SHROOM4: variants seen among roughly 807,000 people sequenced by gnomAD.
SHROOM4 encodes protein Shroom4.
In SHROOM4, 17 loss-of-function variants were observed where a neutral mutation model predicts 80.3. The observed-to-expected ratio is 0.21, with a 90% CI of 0.14 to 0.32. The LOEUF (loss-of-function observed/expected upper bound fraction) is 0.32, where lower values mean the gene tolerates loss of function less well. Ranked by LOEUF, SHROOM4 falls within the 10% of genes least tolerant of loss-of-function variation. SHROOM4 has a pLI of 1.00. For missense variants in SHROOM4, 993 were observed against 1,140.3 expected, an observed-to-expected ratio of 0.87 and a Z score of 1.86; for synonymous variants, 400 against 437.5, an observed-to-expected ratio of 0.91 and a Z score of 1.07.
rs562396608 is a variant in SHROOM4, at chrX:50,588,482, C to A, written c.*8213G>T. Among the ~76,000 whole-genome samples, 1 of 112,016 alleles carries A rather than the reference C, an allele frequency of 8.9e-6. No homozygotes were observed. Among genetic ancestry groups the A allele is most frequent in the Admixed American group, 9.5e-5 (1 of 10,564 alleles). On this transcript the variant is annotated 3_prime_UTR_variant, in exon 9 of 9. Transcript: ENST00000376020. ...CCACCATTTGACAGAAGAGGACATC[C>A]AGGTACAGGGAAGTTAAACATGCTC... is the stretch of plus-strand genomic sequence containing the variant.
chrX:50,663,668 C>T (rs782247361), intron 2 of SHROOM4, among the ~76,000 whole-genome samples: 9 of 110,921 alleles, frequency 8.1e-5, no homozygotes, highest in Non-Finnish European at 1.7e-4. Context: ...CCCAAAACTA[C>T]GTTTCTTTCC....
intron 1 of SHROOM4, among the ~76,000 whole-genome samples, chrX:50,701,053 G>A (rs6614557): frequency 0.023 from 2,551 of 111,650 alleles, 85 homozygotes; most frequent in African/African-American, 0.08. Flanking sequence ...GGAACTATGC[G>A]CTGTGCCCCA....
chrX:50,743,528 T>C (rs917420140), intron 1 of SHROOM4, among the ~76,000 whole-genome samples: 6 of 110,762 alleles, frequency 5.4e-5, no homozygotes, highest in African/African-American at 2.0e-4. Context: ...TGATCATGGC[T>C]CACTGCAGCC....
chrX:50,735,342 A>C (rs1295887206), intron 1 of SHROOM4, among the ~76,000 whole-genome samples: 1 of 112,161 alleles, frequency 8.9e-6, no homozygotes, highest in Non-Finnish European at 1.9e-5. Flanking sequence ...AAAATTATCA[A>C]AGACTTAAAT....
At chrX:50,723,768 G>GT (rs1934183392) in intron 1 of SHROOM4, among the ~76,000 whole-genome samples, 1 of 111,185 alleles carries the variant, frequency 9.0e-6, no homozygotes. Context: ...TCAAGGGCCT[G>GT]TATCCCTTCC....
chrX:50,796,862 G>A (rs782463368), intron 1 of SHROOM4, among the ~76,000 whole-genome samples: 6 of 110,726 alleles, frequency 5.4e-5, no homozygotes, highest in Admixed American at 4.8e-4. Context: ...GAGTGGGGAA[G>A]CCAAGGAAAG....
rs781925536 is a variant in SHROOM4, at chrX:50,602,585, A to G, written c.3942+48T>C. Reference sequence around the variant, plus strand: ...AGAAGGCTGGTCATCCTCCAGATACATTCAAGCTAAATTCTGAAAATCTCT... The same window carrying G: ...AGAAGGCTGGTCATCCTCCAGATACGTTCAAGCTAAATTCTGAAAATCTCT... On this transcript the variant is annotated intron_variant, in intron 7 of 8. Coordinates refer to ENST00000376020, the MANE Select transcript of SHROOM4 (RefSeq NM_020717.5). 260 of 1,167,016 alleles carry G rather than the reference A, an allele frequency of 2.2e-4. No individual in the cohort carries two copies. The South Asian group carries it at 4.3e-3, about 19-fold the overall frequency.
intron 1 of SHROOM4, among the ~76,000 whole-genome samples, chrX:50,769,249 G>T (rs1426645540): frequency 9.4e-6 from 1 of 106,722 alleles, no homozygotes; most frequent in African/African-American, 3.4e-5. Flanking sequence ...AAGGAAAGAA[G>T]GAAAAAAAGG....
In SHROOM4 at chrX:50,697,646, G is replaced by A. The variant is rs1041687864; in HGVS notation, c.118-1709C>T. ...TAGCCAAGTGACATTGAATATATAT[G>A]CCTTTGTTCCGGTACCCGGGCCACA... is the stretch of plus-strand genomic sequence containing the variant. On this transcript the variant is annotated intron_variant, in intron 1 of 8. Coordinates refer to ENST00000376020, the MANE Select transcript of SHROOM4 (RefSeq NM_020717.5). Among the ~76,000 whole-genome samples the A allele has an allele frequency of 2.7e-5, 3 of 111,690 alleles. No individual in the cohort carries two copies. In the Admixed American group the frequency reaches 2.9e-4, roughly 11 times the overall value.
intron 2 of SHROOM4, among the ~76,000 whole-genome samples, chrX:50,648,898 A>G (rs782301276): frequency 8.9e-6 from 1 of 112,494 alleles, no homozygotes; most frequent in African/African-American, 3.2e-5. Flanking sequence ...GTTCCAGAGT[A>G]GGAGAGCAAT....
rs181070400 is a variant in SHROOM4, at chrX:50,658,655, C to T, written c.270-20347G>A. On this transcript the variant is annotated intron_variant, in intron 2 of 8. Transcript: ENST00000376020. The stretch of plus-strand genomic sequence containing the variant: ...TCTTAACCACTATTCTAACCTCCCT[C>T]CTCTACAGGTACAGGTAGAGGGATA... Among the ~76,000 whole-genome samples, 12 of 111,552 alleles carry T rather than the reference C, an allele frequency of 1.1e-4. No individual in the cohort carries two copies. In the East Asian group the frequency reaches 3.4e-3, roughly 32 times the overall value.
At chrX:50,693,735 CA>C (rs1170468282) in intron 2 of SHROOM4, among the ~76,000 whole-genome samples, 2 of 110,384 alleles carry the variant, frequency 1.8e-5, no homozygotes, top group Non-Finnish European at 3.8e-5. Flanking sequence ...ATGTTGAGAA[CA>C]TATGAATTCT....
At chrX:50,717,366 C>CT (rs1933988709) in intron 1 of SHROOM4, among the ~76,000 whole-genome samples, 2 of 111,650 alleles carry the variant, frequency 1.8e-5, no homozygotes, top group Non-Finnish European at 3.8e-5. Flanking sequence ...TACAGGCGAC[C>CT]GCCACCACAC....
Position 50,590,729 on chromosome X carries a change from T to C in SHROOM4, c.*5966A>G, listed in dbSNP as rs1928856360. 8.9e-6 allele frequency among the ~76,000 whole-genome samples: 1 copy of C among 112,461 alleles called. No individual in the cohort carries two copies. The highest frequency in any genetic ancestry group is 3.7e-4 in the South Asian group (1 of 2,701). ...ACAATCAGTCTATGGTAGTATGTTA[T>C]AGCAACCCAAGCATACTAAAACACA... is the stretch of plus-strand genomic sequence containing the variant. On this transcript the variant is annotated 3_prime_UTR_variant, in exon 9 of 9. Transcript: ENST00000376020.
In SHROOM4 at chrX:50,668,270, G is replaced by T. The variant is rs181414739; in HGVS notation, c.269+27516C>A. Among the ~76,000 whole-genome samples, 938 of 111,239 alleles carry T rather than the reference G, an allele frequency of 8.4e-3. 12 individuals are homozygous for T. Among genetic ancestry groups the T allele is most frequent in the African/African-American group, 0.029 (878 of 30,602 alleles). ...GTGGTGTTCAGAGGCGGCCTAGTGG[G>T]GTGTTAGAACCTCCACCACTGCCCA... On this transcript the variant is annotated intron_variant, in intron 2 of 8. Transcript: ENST00000376020.
chrX:50,628,888 G>T (rs1195002189), intron 4 of SHROOM4, among the ~76,000 whole-genome samples: 1 of 111,945 alleles, frequency 8.9e-6, no homozygotes, highest in Non-Finnish European at 1.9e-5. Context: ...GCTTTTAAAG[G>T]ACCACAGCAG....
At chrX:50,627,125 A>G (rs782216372) in intron 5 of SHROOM4, among the ~76,000 whole-genome samples, 1 of 111,891 alleles carries the variant, frequency 8.9e-6, no homozygotes, top group South Asian at 3.8e-4. Flanking sequence ...CCAACTCCAT[A>G]AGGTCATAGT....
intron 2 of SHROOM4, among the ~76,000 whole-genome samples, chrX:50,658,545 C>T (rs1932388654): frequency 8.9e-6 from 1 of 111,862 alleles, no homozygotes; most frequent in African/African-American, 3.3e-5. Flanking sequence ...TCCTGCCACT[C>T]TCATGCTTAA....
intron 2 of SHROOM4, among the ~76,000 whole-genome samples, chrX:50,664,762 T>C (rs782783064): frequency 8.9e-6 from 1 of 111,933 alleles, no homozygotes; most frequent in African/African-American, 3.2e-5. Context: ...GATGCCTGAA[T>C]TGAAAACATG....
Sources: allele counts gnomAD v4.1 joint callset (sites outside exome capture counted in the v4.1 genomes callset), GRCh38; gene constraint gnomAD v4.1.1; transcripts MANE v1.5; gene names NCBI Gene and HGNC (gene_info 2026-07-23, HGNC 2026-07-21).